The following PXK variants were observed in gnomAD, a reference collection of about 807,000 sequenced individuals.
PXK encodes the protein PX domain-containing protein kinase-like protein.
Under a neutral mutation model 84.7 loss-of-function variants are expected in PXK, and 35 were observed. That is an observed-to-expected ratio of 0.41 (90% confidence interval 0.32 to 0.55). The LOEUF (loss-of-function observed/expected upper bound fraction) is 0.55. Among genes scored for constraint, PXK ranks in the 20% least tolerant of loss-of-function variants. The probability of loss-of-function intolerance (pLI) is 0.21; values close to 1 mark genes in which losing one functional copy is unlikely to be tolerated. For synonymous variants in PXK, 253 were observed against 260.8 expected (o/e 0.97, Z 0.29); for missense variants, 634 against 699.7 (o/e 0.91, Z 1.06).
intron 1 of PXK, among the ~76,000 whole-genome samples, chr3:58,347,781 A>C (rs1032872769): frequency 6.6e-6 from 1 of 152,222 alleles, no homozygotes; most frequent in African/African-American, 2.4e-5. Context: ...TTTATAAGAA[A>C]TTGCCAAACT....
Position 58,338,048 on chromosome 3 carries a change from T to C in PXK, c.102+4958T>C, listed in dbSNP as rs531504936. Among the ~76,000 whole-genome samples the C allele has an allele frequency of 3.9e-4, 60 of 152,224 alleles. No individual in the cohort carries two copies. In the South Asian group the frequency reaches 0.012, roughly 31 times the overall value. On this transcript the variant is annotated intron_variant, in intron 1 of 17. Transcript: ENST00000356151. ...GAATTCTAAGTTATACTGAATACTT[T>C]AAAAATTTCTTAGCCAGGCGTGGTG...
chr3:58,397,194 A>C lies in PXK; in HGVS notation c.978A>C (p.Lys326Asn). The C allele has an allele frequency of 1.9e-6, 3 of 1,614,014 alleles. No homozygotes were observed. The highest frequency in any genetic ancestry group is 2.5e-6 in the Non-Finnish European group (3 of 1,179,924). Residue 326 changes from lysine (K) to asparagine (N), a missense_variant, in exon 10 of 18, where the codon AAA becomes AAC. Lys to Asn is a moderately conservative substitution (Grantham distance 94, BLOSUM62 0). This residue lies in a region of PXK where 8 missense variants were observed against 30.9 expected (regional missense o/e 0.26). Transcript: ENST00000356151. This position sits in a 1 kb window ranked among gnomAD's most constrained non-coding sequence, Gnocchi z 4.7. The stretch of plus-strand genomic sequence containing the variant: ...GATCTTATTTTTCACAATTCAGGAA[A>C]ATCAATGTAAGTTGCTAAAGTAATG... ...FYRSYFSQFR[K>N]INTLESVDVH...
chr3:58,421,343 A>C lies in PXK; in HGVS notation c.1529-3409A>C. ...ACATCTATAATCTCAGCACTTTGGG[A>C]GGCTGAGGCGGGCGGATCACAAGGA... is the stretch of plus-strand genomic sequence containing the variant. On this transcript the variant is annotated intron_variant, in intron 17 of 17. Transcript: ENST00000356151. This position sits in a 1 kb window ranked among gnomAD's most constrained non-coding sequence, Gnocchi z 5.5. 1.0e-6 allele frequency: 1 copy of C among 976,318 alleles called. No homozygotes were observed. The highest frequency in any genetic ancestry group is 1.2e-6 in the Non-Finnish European group (1 of 822,720). 60.5% of individuals were successfully genotyped at this position (976,318 alleles called of 1,614,324 possible).
At chr3:58,408,485 T>G (rs2059707050) in intron 13 of PXK, among the ~76,000 whole-genome samples, 1 of 152,094 alleles carries the variant, frequency 6.6e-6, no homozygotes, top group African/African-American at 2.4e-5. Context: ...TGGGGTAGGA[T>G]TTGAATGGAC....
At chr3:58,362,394 C>T (rs773306216) in intron 1 of PXK, among the ~76,000 whole-genome samples, 1 of 152,086 alleles carries the variant, frequency 6.6e-6, no homozygotes, top group Non-Finnish European at 1.5e-5. Context: ...ATGCCTGAAT[C>T]TTAGGTTGAG....
intron 1 of PXK, among the ~76,000 whole-genome samples, chr3:58,345,167 G>A (rs1270135286): frequency 3.9e-5 from 6 of 152,142 alleles, no homozygotes; most frequent in Admixed American, 2.0e-4. Flanking sequence ...CCTCTGCCTG[G>A]GAGAGCAGGG....
intron 17 of PXK, among the ~76,000 whole-genome samples, chr3:58,423,754 G>A (rs1042344590): frequency 6.6e-6 from 1 of 152,228 alleles, no homozygotes; most frequent in African/African-American, 2.4e-5. Flanking sequence ...CACAGGAGAC[G>A]AGGCAACTAA....
intron 1 of PXK, among the ~76,000 whole-genome samples, chr3:58,338,421 G>C (rs1016699913): frequency 2.1e-4 from 32 of 151,570 alleles, no homozygotes; most frequent in African/African-American, 7.0e-4. Flanking sequence ...TCAGAAGTTC[G>C]AGAACAGCCT....
At chr3:58,352,404 C>G (rs962842762) in intron 1 of PXK, among the ~76,000 whole-genome samples, 4 of 152,192 alleles carry the variant, frequency 2.6e-5, no homozygotes, top group Admixed American at 6.5e-5. Flanking sequence ...ATCCGAGTTT[C>G]TATGTTGTTG....
At position 58,395,062 on chromosome 3, in the gene PXK, T is replaced by A; in HGVS notation, c.680T>A (p.Met227Lys). The change falls in exon 8 of 18, where the codon ATG (methionine) becomes AAG (lysine). Residue 227 changes from methionine to lysine, a missense_variant. By Grantham distance (95) the Met-to-Lys change is moderately conservative. Around this residue, in one of 3 missense-constraint regions of PXK, gnomAD observed 353 missense variants for 385.2 expected, o/e 0.92. Coordinates refer to ENST00000356151, the MANE Select transcript of PXK (RefSeq NM_017771.5). ...GAATCCTCAGCGTTGCTAATTAGGA[T>A]GTTTAACGAAAAGGGAACATTGAAG... ...ANESSALLIR[M>K]FNEKGTLKDL... The A allele has an allele frequency of 1.2e-6, 2 of 1,613,582 alleles. No homozygotes were observed. The highest frequency in any genetic ancestry group is 1.7e-6 in the Non-Finnish European group (2 of 1,179,510).
At chr3:58,413,334 G>A in intron 17 of PXK, 2 of 255,580 alleles carry the variant, frequency 7.8e-6, no homozygotes, top group Non-Finnish European at 1.5e-5. Context: ...CTCTCCTCAG[G>A]GAGCCCGTCC....
chr3:58,387,140 A>C (rs1281843978), intron 4 of PXK, among the ~76,000 whole-genome samples: 1 of 152,132 alleles, frequency 6.6e-6, no homozygotes, highest in African/African-American at 2.4e-5. Flanking sequence ...GCCTGGTACA[A>C]CTGAGCTCTG....
rs142904868 is a variant in PXK at position 58,390,087 on chromosome 3, A to T, written c.389-495A>T. Among the ~76,000 whole-genome samples the T allele has an allele frequency of 5.8e-4, 85 of 146,150 alleles. No homozygotes were observed. The highest frequency in any genetic ancestry group is 7.7e-4 in the Non-Finnish European group (52 of 67,154). ...CAGCTATTCGGGAGGCTGAGGTGGG[A>T]GGATCACTTGAGCCCAGGAGGTTGA... On this transcript the variant is annotated intron_variant, in intron 4 of 17. Coordinates refer to ENST00000356151, the MANE Select transcript of PXK (RefSeq NM_017771.5). This position sits in a 1 kb window ranked among gnomAD's most constrained non-coding sequence, Gnocchi z 4.2.
intron 1 of PXK, among the ~76,000 whole-genome samples, chr3:58,340,119 ATTTTTTT>A (rs547721745): frequency 7.9e-6 from 1 of 125,842 alleles, no homozygotes; most frequent in African/African-American, 2.9e-5. Flanking sequence ...CGCCTGGCCG[ATTTTTTT>A]TTTTTTTTTT....
chr3:58,360,831 GA>G (rs762223630), intron 1 of PXK, among the ~76,000 whole-genome samples: 3,326 of 109,602 alleles, frequency 0.03, 60 homozygotes, highest in African/African-American at 0.067. Context: ...GACCCCGACT[GA>G]AAAAAAAAAA....
intron 9 of PXK, among the ~76,000 whole-genome samples, chr3:58,396,661 C>T (rs1576528358): frequency 6.6e-6 from 1 of 152,226 alleles, no homozygotes; most frequent in South Asian, 2.1e-4. Context: ...GGCAGAAGCA[C>T]TGATAAGATA....
rs138963723 is a variant in PXK, at chr3:58,350,494, C to G, written c.103-15380C>G. 2.9e-3 allele frequency among the ~76,000 whole-genome samples: 437 copies of G among 152,290 alleles called. 1 individual carries two copies. The highest frequency in any genetic ancestry group is 0.01 in the African/African-American group (423 of 41,540). On this transcript the variant is annotated intron_variant, in intron 1 of 17. Transcript: ENST00000356151. ...GCCTGTCCAGCTGCACTCTGTTCAT[C>G]AAAATGAGTCCTTGGAGCATGTGAA...
At chr3:58,335,018 G>GGGGTGTGTGTGT (rs2097566862) in intron 1 of PXK, among the ~76,000 whole-genome samples, 1 of 106,504 alleles carries the variant, frequency 9.4e-6, no homozygotes, top group Non-Finnish European at 1.9e-5. Context: ...TGTCCAGGCT[G>GGGGTGTGTGTGT]GTGTGTGTGT....
chr3:58,387,225 G>A (rs1360962320), intron 4 of PXK, among the ~76,000 whole-genome samples: 2 of 152,196 alleles, frequency 1.3e-5, no homozygotes, highest in Non-Finnish European at 2.9e-5. Context: ...CACTTTCTGA[G>A]CATGCAGTTT....
Sources: allele counts gnomAD v4.1 joint callset (sites outside exome capture counted in the v4.1 genomes callset), GRCh38; gene constraint gnomAD v4.1.1; regional missense constraint gnomAD v4.1.1; non-coding constraint Gnocchi (gnomAD v3.1); transcripts MANE v1.5; gene names NCBI Gene and HGNC (gene_info 2026-07-23, HGNC 2026-07-21).